Variants in SLC35F4 observed in about 807,000 individuals in gnomAD.
SLC35F4 encodes chromosome 14 open reading frame 36.
SLC35F4 carries 24 observed loss-of-function variants against 44.2 expected under a neutral mutation model. The observed-to-expected ratio is 0.54, with a 90% confidence interval of 0.39 to 0.76. The LOEUF (loss-of-function observed/expected upper bound fraction) is 0.76. SLC35F4 is among the 30% of genes least tolerant of loss of function. The probability of loss-of-function intolerance (pLI) is 0.00; values close to 1 mark genes in which losing one functional copy is unlikely to be tolerated. For synonymous variants in SLC35F4, 238 were observed against 223.6 expected (o/e 1.06, Z -0.57); for missense variants, 562 against 586.1 (o/e 0.96, Z 0.42).
At chr14:57,650,007 A>T (rs2073719494) in intron 1 of SLC35F4, among the ~76,000 whole-genome samples, 1 of 151,304 alleles carries the variant, frequency 6.6e-6, no homozygotes, top group Non-Finnish European at 1.5e-5. Context: ...TTAAACACTC[A>T]CCTCTCTTAG....
intron 1 of SLC35F4, among the ~76,000 whole-genome samples, chr14:57,924,254 A>C (rs2141060025): frequency 6.6e-6 from 1 of 152,294 alleles, no homozygotes; most frequent in Non-Finnish European, 1.5e-5. Context: ...AAAGAAAAGA[A>C]GTTTGTTTGG....
chr14:57,578,311 G>A (rs1158637123), intron 4 of SLC35F4, among the ~76,000 whole-genome samples: 3 of 105,824 alleles, frequency 2.8e-5, no homozygotes, highest in African/African-American at 1.0e-4. Context: ...ATGACTGAAA[G>A]CATCCCTTTA....
chr14:57,826,734 T>A (rs1883808388), intron 1 of SLC35F4, among the ~76,000 whole-genome samples: 1 of 151,608 alleles, frequency 6.6e-6, no homozygotes, highest in Non-Finnish European at 1.5e-5. Context: ...GACATACATG[T>A]GGCCAGCAAA....
At chr14:57,694,635 C>T (rs1020341132) in intron 1 of SLC35F4, among the ~76,000 whole-genome samples, 3 of 152,116 alleles carry the variant, frequency 2.0e-5, no homozygotes, top group African/African-American at 7.2e-5. Context: ...GGAAAACTGA[C>T]ATCTCCACAC....
chr14:57,744,590 T>C (rs1417270043), intron 1 of SLC35F4, among the ~76,000 whole-genome samples: 2 of 152,046 alleles, frequency 1.3e-5, no homozygotes, highest in Non-Finnish European at 2.9e-5. Context: ...TACAAACAAA[T>C]GGAAGAAAAT....
chr14:57,606,086 C>A (rs889736058), intron 1 of SLC35F4, among the ~76,000 whole-genome samples: 4 of 152,090 alleles, frequency 2.6e-5, no homozygotes, highest in Non-Finnish European at 4.4e-5. Context: ...TTATAACAAA[C>A]CTGCACATGT....
chr14:57,601,004 C>A (rs2139980699), intron 1 of SLC35F4, among the ~76,000 whole-genome samples: 1 of 152,096 alleles, frequency 6.6e-6, no homozygotes, highest in African/African-American at 2.4e-5. Context: ...TCAATTTATT[C>A]TCTAAAAGCC....
chr14:57,703,398 G>A (rs973566898), intron 1 of SLC35F4, among the ~76,000 whole-genome samples: 3 of 152,174 alleles, frequency 2.0e-5, no homozygotes, highest in African/African-American at 7.2e-5. Flanking sequence ...ACAGGGCAGG[G>A]CTAAGTTGGA....
At chr14:57,768,168 G>A (rs952564516) in intron 1 of SLC35F4, among the ~76,000 whole-genome samples, 4 of 152,082 alleles carry the variant, frequency 2.6e-5, no homozygotes, top group Admixed American at 1.3e-4. Flanking sequence ...ACACCAACAC[G>A]AGATAAGACA....
chr14:57,899,077 C>A (rs907962156), intron 1 of SLC35F4, among the ~76,000 whole-genome samples: 1 of 152,210 alleles, frequency 6.6e-6, no homozygotes, highest in South Asian at 2.1e-4. Context: ...GGAGGAGAAG[C>A]AGTGCTGTGT....
At chr14:57,589,902 G>A (rs2070048140) in intron 2 of SLC35F4, among the ~76,000 whole-genome samples, 1 of 152,128 alleles carries the variant, frequency 6.6e-6, no homozygotes, top group Admixed American at 6.5e-5. Context: ...AGAAGCCTTA[G>A]GAGGCATCCC....
At chr14:57,869,197 GTTTT>G (rs147513546), upstream of SLC35F4, among the ~76,000 whole-genome samples, 3 of 142,534 alleles carry the variant, frequency 2.1e-5, no homozygotes, top group Admixed American at 1.4e-4. Context: ...ACGTGTTGTG[GTTTT>G]TTTTTTTTTT....
At chr14:57,636,191 C>A (rs1008809284) in intron 1 of SLC35F4, among the ~76,000 whole-genome samples, 1 of 152,106 alleles carries the variant, frequency 6.6e-6, no homozygotes, top group African/African-American at 2.4e-5. Context: ...GAAACCCAAC[C>A]AAGCTTAAAC....
At chr14:57,926,265 C>T (rs535715314) in intron 1 of SLC35F4, among the ~76,000 whole-genome samples, 5 of 152,332 alleles carry the variant, frequency 3.3e-5, no homozygotes, top group South Asian at 4.1e-4. Flanking sequence ...GTGTTCAGCA[C>T]GTGCTCTACA....
chr14:57,792,455 C>T (rs2077946152), intron 1 of SLC35F4, among the ~76,000 whole-genome samples: 1 of 152,142 alleles, frequency 6.6e-6, no homozygotes, highest in Non-Finnish European at 1.5e-5. Context: ...AAGACACTTG[C>T]ACATACATGT....
rs139045878 is a variant in SLC35F4, at chr14:57,881,730, T to C, written n.282+100183A>G. ...CATGCAGAGGAACATGTTGGTTCTTTATTTTGTCTGACTAATCTGATCTCC... is the reference window on the plus strand; with the variant it reads ...CATGCAGAGGAACATGTTGGTTCTTCATTTTGTCTGACTAATCTGATCTCC... On this transcript the variant is annotated intron_variant and non_coding_transcript_variant, in intron 1 of 1. Transcript: ENST00000556568. Among the ~76,000 whole-genome samples, 565 of 152,334 alleles carry C rather than the reference T, an allele frequency of 3.7e-3. 4 individuals carry two copies. Among genetic ancestry groups the C allele is most frequent in the African/African-American group, 0.013 (539 of 41,570 alleles).
rs1028939184 is a variant in SLC35F4 at position 57,686,633 on chromosome 14, T to C, written c.104-92509A>G. On this transcript the variant is annotated intron_variant, in intron 1 of 7. Transcript: ENST00000556826. ...CCAAAATCACAGTTATATGACAACA[T>C]TGATCTTGGCTCCAAAAGTCAAATG... Among the ~76,000 whole-genome samples the C allele has an allele frequency of 1.3e-5, 2 of 152,284 alleles. 1 individual carries two copies.
At position 57,879,922 on chromosome 14, in the gene SLC35F4, G is replaced by A. The variant is rs8013680; in HGVS notation, n.282+101991C>T. Among the ~76,000 whole-genome samples the A allele has an allele frequency of 0.023, 3,495 of 151,576 alleles. 424 individuals carry two copies. The East Asian group carries it at 0.39, about 17-fold the overall frequency. On this transcript the variant is annotated intron_variant and non_coding_transcript_variant, in intron 1 of 1. Transcript: ENST00000556568. ...GGGAAGGAAGGGAGGAAAGGAGGGA[G>A]GGAGAGAAGGAGTGAGGTGGGGAGG...
At chr14:57,722,294 G>A (rs1255301057) in intron 1 of SLC35F4, among the ~76,000 whole-genome samples, 1 of 152,176 alleles carries the variant, frequency 6.6e-6, no homozygotes, top group Non-Finnish European at 1.5e-5. Context: ...ATGGCCCACT[G>A]TGAGTGAGCT....
Sources: allele counts gnomAD v4.1 joint callset (sites outside exome capture counted in the v4.1 genomes callset), GRCh38; gene constraint gnomAD v4.1.1; transcripts MANE v1.5; gene names NCBI Gene and HGNC (gene_info 2026-07-23, HGNC 2026-07-21).